Variants in LRRC49 observed in about 807,000 individuals in gnomAD.
LRRC49 encodes leucine rich repeat containing 49.
In LRRC49, 50 loss-of-function variants were observed where a neutral mutation model predicts 83.3. The observed-to-expected ratio is 0.60, with a 90% CI of 0.48 to 0.76. The LOEUF is 0.76. Ranked by LOEUF, LRRC49 falls within the 30% of genes least tolerant of loss-of-function variation. The probability of loss-of-function intolerance (pLI) is 0.00; values close to 1 mark genes in which losing one functional copy is unlikely to be tolerated. For synonymous variants in LRRC49, 286 were observed against 283.3 expected (o/e 1.01, Z -0.10); for missense variants, 704 against 809.1 (o/e 0.87, Z 1.58).
At chr15:70,916,334 G>A (rs181254096) in intron 6 of LRRC49, among the ~76,000 whole-genome samples, 40 of 152,046 alleles carry the variant, frequency 2.6e-4, no homozygotes, top group African/African-American at 8.2e-4. Flanking sequence ...TCGCTCTGTC[G>A]CCCAGGCTGG....
chr15:70,880,167 A>G (rs977642700), intron 2 of LRRC49, among the ~76,000 whole-genome samples: 22 of 152,148 alleles, frequency 1.4e-4, no homozygotes, highest in African/African-American at 4.3e-4. Context: ...TCTGATATCC[A>G]GGTCTCTGAT....
intron 11 of LRRC49, among the ~76,000 whole-genome samples, chr15:70,985,626 G>C (rs899014149): frequency 6.6e-6 from 1 of 152,172 alleles, no homozygotes; most frequent in East Asian, 1.9e-4. Context: ...AGAAGCTCTT[G>C]AGTTCAATTA....
Position 71,025,704 on chromosome 15 carries a change from AAAG to A in LRRC49, c.1704-11472_1704-11470del, listed in dbSNP as rs1181628435. Among the ~76,000 whole-genome samples the A allele has an allele frequency of 1.5e-4, 8 of 53,648 alleles. No individual in the cohort carries two copies. The Admixed American group carries it at 2.0e-3, about 14-fold the overall frequency. 35.2% of individuals were successfully genotyped at this position (53,648 alleles called of 152,430 possible). A position where few individuals can be genotyped will look rare whatever the true frequency, so the allele number is the denominator to read the frequency against. On this transcript the variant is annotated intron_variant, in intron 14 of 15. Transcript: ENST00000260382. ...GGAGGAAAATTTACCAAGCAAATAG[AAAG>A]AAAAAAAAAAACAGGGGTTGCAATC... is the stretch of plus-strand genomic sequence containing the variant.
At chr15:70,872,916 T>A in exon 2 of LRRC49, 1 of 209,800 alleles carries the variant, frequency 4.8e-6, no homozygotes. Context: ...AGATGGAGTC[T>A]CACTCTGTCG....
chr15:70,939,632 A>C (rs193115127), intron 8 of LRRC49, among the ~76,000 whole-genome samples: 1 of 152,262 alleles, frequency 6.6e-6, no homozygotes, highest in African/African-American at 2.4e-5. Context: ...ACAGACAATG[A>C]GGTACGTTGT....
At chr15:70,981,683 G>A (rs983126060) in intron 10 of LRRC49, among the ~76,000 whole-genome samples, 2 of 152,008 alleles carry the variant, frequency 1.3e-5, no homozygotes, top group African/African-American at 2.4e-5. Flanking sequence ...ACTATGAAAA[G>A]TAGACTCAAA....
chr15:70,992,806 T>G (rs1335440534), intron 11 of LRRC49, among the ~76,000 whole-genome samples: 1 of 152,130 alleles, frequency 6.6e-6, no homozygotes, highest in Non-Finnish European at 1.5e-5. Context: ...CGGGGGTGCC[T>G]CCCAGTTAGG....
intron 11 of LRRC49, among the ~76,000 whole-genome samples, chr15:70,993,016 C>T (rs182224513): frequency 0.011 from 1,676 of 152,302 alleles, 10 homozygotes; most frequent in Non-Finnish European, 0.018. Context: ...CCTTGAGCTG[C>T]GGTGGGTTCC....
chr15:71,014,246 C>T (rs1483876155), intron 14 of LRRC49, among the ~76,000 whole-genome samples: 1 of 152,056 alleles, frequency 6.6e-6, no homozygotes, highest in Non-Finnish European at 1.5e-5. Context: ...AAATAACCTA[C>T]AAGGAAAAAT....
intron 5 of LRRC49, among the ~76,000 whole-genome samples, chr15:70,905,848 T>C (rs1406522034): frequency 1.3e-5 from 2 of 152,182 alleles, no homozygotes; most frequent in African/African-American, 4.8e-5. Context: ...CATAAGACCC[T>C]CATTCCAGAG....
At chr15:70,979,767 G>T (rs1240438981) in intron 9 of LRRC49, among the ~76,000 whole-genome samples, 1 of 152,030 alleles carries the variant, frequency 6.6e-6, no homozygotes, top group Non-Finnish European at 1.5e-5. Flanking sequence ...ATGATAGAAA[G>T]TTTAAACCTA....
rs146189261 is a variant in LRRC49, at chr15:70,909,839, AACACACACACACAC to A, written c.501-1667_501-1654del. Among the ~76,000 whole-genome samples the A allele has an allele frequency of 7.3e-5, 10 of 136,152 alleles. No individual in the cohort carries two copies. The South Asian group carries it at 7.4e-4, about 10-fold the overall frequency. 89.3% of individuals were successfully genotyped at this position (136,152 alleles called of 152,430 possible). ...GGTGACAGGGCGAGACTCCATCTCA[AACACACACACACAC>A]ACACACACACACACACACACACACA... On this transcript the variant is annotated intron_variant, in intron 5 of 15. Coordinates refer to ENST00000260382, the MANE Select transcript of LRRC49 (RefSeq NM_017691.5).
rs199772134 is a variant in LRRC49, at chr15:70,984,120, C to G, written c.1032C>G (p.Asn344Lys). The G allele has an allele frequency of 2.5e-6, 4 of 1,609,206 alleles. No individual in the cohort carries two copies. The highest frequency in any genetic ancestry group is 1.1e-5 in the South Asian group (1 of 90,652). Residue 344 changes from asparagine to lysine, a missense_variant, in exon 11 of 16, where the codon AAC becomes AAG. Coordinates refer to ENST00000260382, the MANE Select transcript of LRRC49 (RefSeq NM_017691.5). ...LKEKKRLTIN[N>K]VARQWDLQQQ... ...AGAAGAAAAGGTTAACAATTAACAACGTAGCTCGACAGTGGGACTTGCAAC... is the reference window on the plus strand; with the variant it reads ...AGAAGAAAAGGTTAACAATTAACAAGGTAGCTCGACAGTGGGACTTGCAAC...
rs553115250 is a variant in LRRC49 at position 70,906,729 on chromosome 15, T to G, written c.500+1974T>G. 9.2e-5 allele frequency among the ~76,000 whole-genome samples: 14 copies of G among 152,362 alleles called. No individual in the cohort carries two copies. In the South Asian group the frequency reaches 2.9e-3, roughly 32 times the overall value. ...AGCTTCTGACTTTATTTAAGGTCTTTTTGTTCTTTCAACTCTAAGAGACTT... is the reference window on the plus strand; with the variant it reads ...AGCTTCTGACTTTATTTAAGGTCTTGTTGTTCTTTCAACTCTAAGAGACTT... On this transcript the variant is annotated intron_variant, in intron 5 of 15. Transcript: ENST00000260382.
At chr15:70,883,015 A>G (rs1039899499) in intron 2 of LRRC49, 112 of 1,109,000 alleles carry the variant, frequency 1.0e-4, no homozygotes, top group Non-Finnish European at 1.3e-4. Context: ...TTTCAGTCAC[A>G]TATTAGTAAG....
chr15:71,028,198 A>G (rs1029151571), intron 14 of LRRC49, among the ~76,000 whole-genome samples: 2 of 152,174 alleles, frequency 1.3e-5, no homozygotes, highest in Non-Finnish European at 2.9e-5. Context: ...ATCTGTTGAG[A>G]TAATCATATG....
At chr15:70,871,260 G>C (rs1462031368) in intron 1 of LRRC49, among the ~76,000 whole-genome samples, 1 of 152,016 alleles carries the variant, frequency 6.6e-6, no homozygotes, top group Non-Finnish European at 1.5e-5. Flanking sequence ...CAGAGAGCAC[G>C]GGGTTGGGGG....
intron 2 of LRRC49, chr15:70,883,012 C>T (rs565298484): frequency 7.0e-6 from 8 of 1,142,322 alleles, no homozygotes; most frequent in African/African-American, 3.1e-5. Flanking sequence ...AATTTTCAGT[C>T]ACATATTAGT....
intron 1 of LRRC49, among the ~76,000 whole-genome samples, chr15:70,866,282 G>A (rs2032910356): frequency 1.3e-5 from 2 of 152,040 alleles, no homozygotes; most frequent in African/African-American, 4.8e-5. Context: ...AAGTTGCTGG[G>A]ACTACAGGCG....
Sources: allele counts gnomAD v4.1 joint callset (sites outside exome capture counted in the v4.1 genomes callset), GRCh38; gene constraint gnomAD v4.1.1; transcripts MANE v1.5; gene names NCBI Gene and HGNC (gene_info 2026-07-23, HGNC 2026-07-21).